UBE2W: variants seen among roughly 807,000 people sequenced by gnomAD.
The protein encoded by UBE2W is ubiquitin-conjugating enzyme E2 W.
In UBE2W, 18 loss-of-function variants were observed where a neutral mutation model predicts 27.2. The ratio of observed to expected loss-of-function variants is 0.66; its 90% CI spans 0.46 to 0.98. The LOEUF (loss-of-function observed/expected upper bound fraction) is 0.98. Among genes scored for constraint, UBE2W ranks in the 50% least tolerant of loss-of-function variants. The probability of loss-of-function intolerance (pLI) is 0.00; values close to 1 mark genes in which losing one functional copy is unlikely to be tolerated. For missense variants in UBE2W, 90 were observed against 180.2 expected (o/e 0.50, Z 2.87); for synonymous variants, 53 against 57.2 (o/e 0.93, Z 0.33).
chr8:73,869,051 G>T (rs1811890995), intron 1 of UBE2W, among the ~76,000 whole-genome samples: 1 of 152,172 alleles, frequency 6.6e-6, no homozygotes, highest in Non-Finnish European at 1.5e-5. Flanking sequence ...TGGATAAACT[G>T]CAGTACAACC....
Position 73,786,602 on chromosome 8 carries a change from T to C in UBE2W, c.*7500A>G. On this transcript the variant is annotated 3_prime_UTR_variant, in exon 6 of 6. Transcript: ENST00000602593. ...TAGACCTTTCAGGTAGAAACGCAGA[T>C]CATGAACATTCTAGGAGGGAAGAAC... 5.1e-6 allele frequency: 5 copies of C among 985,418 alleles called. No homozygotes were observed. Among genetic ancestry groups the C allele is most frequent in the Non-Finnish European group, 6.0e-6 (5 of 829,936 alleles). 61.0% of individuals were successfully genotyped at this position (985,418 alleles called of 1,614,324 possible). A position where few individuals can be genotyped will look rare whatever the true frequency, so the allele number is the denominator to read the frequency against.
At position 73,865,180 on chromosome 8, in the gene UBE2W, C is replaced by CAAAAAAAAAAAAAAAAAAAA. The variant is rs11354153; in HGVS notation, c.15+13608_15+13627dup. On this transcript the variant is annotated intron_variant, in intron 1 of 5. Coordinates refer to ENST00000602593, the MANE Select transcript of UBE2W (RefSeq NM_018299.6). ...CACTGCTCTTTAAGTGTGCAAACGTCAAAAAAAAAAAAAAAAAAAAAAAAA... is the reference window on the plus strand; with the variant it reads ...CACTGCTCTTTAAGTGTGCAAACGTCAAAAAAAAAAAAAAAAAAAAAAAAAAAAAAAAAAAAAAAAAAAAA... Among the ~76,000 whole-genome samples the CAAAAAAAAAAAAAAAAAAAA allele has an allele frequency of 1.2e-4, 4 of 32,856 alleles. 1 individual carries two copies. Among genetic ancestry groups the CAAAAAAAAAAAAAAAAAAAA allele is most frequent in the African/African-American group, 2.5e-4 (3 of 11,932 alleles). 21.6% of individuals were successfully genotyped at this position (32,856 alleles called of 152,430 possible). A position where few individuals can be genotyped will look rare whatever the true frequency, so the allele number is the denominator to read the frequency against.
In UBE2W at chr8:73,825,905, A is replaced by T. The variant is rs546934038; in HGVS notation, c.108-656T>A. Among the ~76,000 whole-genome samples, 5 of 152,322 alleles carry T rather than the reference A, an allele frequency of 3.3e-5. No individual in the cohort carries two copies. The East Asian group carries it at 9.6e-4, about 29-fold the overall frequency. ...TATTTTTTCAAAGTACCATTTCTACAATGCTGATATTACGTATTCTATACA... is the reference window on the plus strand; with the variant it reads ...TATTTTTTCAAAGTACCATTTCTACTATGCTGATATTACGTATTCTATACA... On this transcript the variant is annotated intron_variant, in intron 2 of 5. Coordinates refer to ENST00000602593, the MANE Select transcript of UBE2W (RefSeq NM_018299.6).
chr8:73,833,402 T>A (rs893491111), intron 1 of UBE2W, among the ~76,000 whole-genome samples: 8 of 151,994 alleles, frequency 5.3e-5, no homozygotes, highest in African/African-American at 1.9e-4. Context: ...TAAAAAATTT[T>A]AAAGTAATTT....
rs765701866 is a variant in UBE2W at position 73,794,092 on chromosome 8, A to T, written c.*10T>A. The T allele has an allele frequency of 6.2e-7, 1 of 1,613,638 alleles. No individual in the cohort carries two copies. The highest frequency in any genetic ancestry group is 8.5e-7 in the Non-Finnish European group (1 of 1,179,748). ...GACTATCTTCTGCTAGGAGGATGAT[A>T]ACAGTGGCATCAACAAGTATCATCT... On this transcript the variant is annotated 3_prime_UTR_variant, in exon 6 of 6. Transcript: ENST00000602593.
chr8:73,852,741 C>G (rs1811130046), intron 1 of UBE2W, among the ~76,000 whole-genome samples: 2 of 152,096 alleles, frequency 1.3e-5, no homozygotes. Flanking sequence ...GGGTCTAGCA[C>G]AAAGTATTAG....
At chr8:73,819,225 T>C (rs1017204560) in intron 3 of UBE2W, among the ~76,000 whole-genome samples, 1 of 152,174 alleles carries the variant, frequency 6.6e-6, no homozygotes, top group African/African-American at 2.4e-5. Flanking sequence ...CCTTCTGTAC[T>C]TTTCCCTCAC....
intron 1 of UBE2W, among the ~76,000 whole-genome samples, chr8:73,850,031 G>A (rs1436014135): frequency 6.6e-6 from 1 of 152,070 alleles, no homozygotes; most frequent in African/African-American, 2.4e-5. Context: ...TATCTTCATA[G>A]AAGATTTTAG....
chr8:73,853,958 G>A (rs1395755691), intron 1 of UBE2W, among the ~76,000 whole-genome samples: 1 of 152,022 alleles, frequency 6.6e-6, no homozygotes, highest in African/African-American at 2.4e-5. Flanking sequence ...AGGCCATCCA[G>A]GGCAACATAG....
chr8:73,805,472 C>CAAAAACAAAAAAAAAAAAAA (rs1554579999), intron 5 of UBE2W, among the ~76,000 whole-genome samples, 179 bp downstream of exon 5: 1 of 43,676 alleles, frequency 2.3e-5, no homozygotes, highest in Non-Finnish European at 5.0e-5. Flanking sequence ...AAAAAAAAAA[C>CAAAAACAAAAAAAAAAAAAA]AAAAAAAACT....
At chr8:73,805,599 A>G in intron 5 of UBE2W, 52 bp downstream of exon 5, 4 of 1,137,882 alleles carry the variant, frequency 3.5e-6, no homozygotes, top group Non-Finnish European at 4.9e-6. Context: ...GCAAATATAT[A>G]TAATCTTCAT....
chr8:73,820,115 T>G (rs997208662), intron 3 of UBE2W, among the ~76,000 whole-genome samples: 2 of 152,140 alleles, frequency 1.3e-5, no homozygotes, highest in African/African-American at 4.8e-5. Context: ...GATGAAAGAC[T>G]AATTTAGGTA....
intron 1 of UBE2W, among the ~76,000 whole-genome samples, chr8:73,861,880 C>T (rs1384696690): frequency 1.3e-5 from 2 of 152,198 alleles, no homozygotes; most frequent in Non-Finnish European, 2.9e-5. Context: ...ATAGGACAGT[C>T]AATAAGTGCT....
rs1363418052 is a variant in UBE2W, at chr8:73,789,223, C to T, written c.*4879G>A. The stretch of plus-strand genomic sequence containing the variant: ...TGGTGGCTTGCACCTGTAATCCCAG[C>T]ATTTTGGGAGGCTGAGGCAGGAGGA... On this transcript the variant is annotated 3_prime_UTR_variant, in exon 6 of 6. Transcript: ENST00000602593. 1 of 966,248 alleles carries T rather than the reference C, an allele frequency of 1.0e-6. No individual in the cohort carries two copies. The highest frequency in any genetic ancestry group is 1.2e-6 in the Non-Finnish European group (1 of 825,280). 59.9% of individuals were successfully genotyped at this position (966,248 alleles called of 1,614,324 possible). A position where few individuals can be genotyped will look rare whatever the true frequency, so the allele number is the denominator to read the frequency against.
intron 4 of UBE2W, among the ~76,000 whole-genome samples, chr8:73,781,198 A>T (rs1807834248): frequency 6.9e-6 from 1 of 145,954 alleles, no homozygotes; most frequent in South Asian, 2.3e-4. Flanking sequence ...TGAACCTGGG[A>T]GGCGGAGGTT....
At chr8:73,867,999 G>A (rs1811850719) in intron 1 of UBE2W, among the ~76,000 whole-genome samples, 1 of 152,140 alleles carries the variant, frequency 6.6e-6, no homozygotes, top group Admixed American at 6.5e-5. Context: ...GTGGTATTGC[G>A]ATTTACAACA....
rs1811960402 is a variant in UBE2W, at chr8:73,870,511, C to T, written c.15+8297G>A. ...ATGAAATAACCTGTTTTTATCATCCCTATTTTATATTTGGAGGTGGGAGGT... is the reference window on the plus strand; with the variant it reads ...ATGAAATAACCTGTTTTTATCATCCTTATTTTATATTTGGAGGTGGGAGGT... On this transcript the variant is annotated intron_variant, in intron 1 of 5. Coordinates refer to ENST00000602593, the MANE Select transcript of UBE2W (RefSeq NM_018299.6). Among the ~76,000 whole-genome samples the T allele has an allele frequency of 2.6e-5, 4 of 151,970 alleles. 1 individual carries two copies. In the South Asian group the frequency reaches 8.3e-4, roughly 31 times the overall value.
intron 1 of UBE2W, among the ~76,000 whole-genome samples, chr8:73,842,147 C>T (rs1810557325): frequency 6.6e-6 from 1 of 152,116 alleles, no homozygotes; most frequent in South Asian, 2.1e-4. Flanking sequence ...AAAATAGCTT[C>T]ACTGTAAACA....
chr8:73,856,362 T>TG lies in UBE2W; in HGVS notation c.15+22445_15+22446insC, dbSNP rs1274893397. Among the ~76,000 whole-genome samples, 235 of 136,280 alleles carry TG rather than the reference T, an allele frequency of 1.7e-3. 1 individual carries two copies. The highest frequency in any genetic ancestry group is 6.2e-3 in the African/African-American group (228 of 36,922). 89.4% of individuals were successfully genotyped at this position (136,280 alleles called of 152,430 possible). A position where few individuals can be genotyped will look rare whatever the true frequency, so the allele number is the denominator to read the frequency against. On this transcript the variant is annotated intron_variant, in intron 1 of 5. Coordinates refer to ENST00000602593, the MANE Select transcript of UBE2W (RefSeq NM_018299.6). Reference sequence around the variant, plus strand: ...CAAATTATATACACTTATGAATTTTTTTTTTTTTTTTTTTTTTTTGAGATG... The same window carrying TG: ...CAAATTATATACACTTATGAATTTTTGTTTTTTTTTTTTTTTTTTTGAGATG...
Sources: allele counts gnomAD v4.1 joint callset (sites outside exome capture counted in the v4.1 genomes callset), GRCh38; gene constraint gnomAD v4.1.1; transcripts MANE v1.5; gene names NCBI Gene and HGNC (gene_info 2026-07-23, HGNC 2026-07-21).